ABCD2: variants seen among roughly 807,000 people sequenced by gnomAD.
ABCD2 encodes the protein ATP binding cassette subfamily D member 2.
In ABCD2, 36 loss-of-function variants were observed where a neutral mutation model predicts 70.9. The ratio of observed to expected loss-of-function variants is 0.51; its 90% CI spans 0.39 to 0.67. The LOEUF (loss-of-function observed/expected upper bound fraction) is 0.67. Among genes scored for constraint, ABCD2 ranks in the 30% least tolerant of loss-of-function variants. The pLI is 0.00. For synonymous variants in ABCD2, 304 were observed against 306.9 expected (o/e 0.99, Z 0.10); for missense variants, 729 against 890.2 (o/e 0.82, Z 2.30).
At chr12:39,558,421 G>A (rs1022665543) in intron 9 of ABCD2, among the ~76,000 whole-genome samples, 4 of 152,136 alleles carry the variant, frequency 2.6e-5, no homozygotes, top group Non-Finnish European at 5.9e-5. Flanking sequence ...TTTGGGAGGG[G>A]CCAGGGCGAA....
intron 9 of ABCD2, among the ~76,000 whole-genome samples, chr12:39,554,872 C>G (rs549323341): frequency 1.3e-5 from 2 of 152,214 alleles, no homozygotes; most frequent in Non-Finnish European, 2.9e-5. Context: ...GGCTGAACCA[C>G]CTGCATTTTT....
At chr12:39,606,423 GC>G (rs1440278172) in intron 3 of ABCD2, among the ~76,000 whole-genome samples, 2 of 152,098 alleles carry the variant, frequency 1.3e-5, no homozygotes, top group Non-Finnish European at 2.9e-5. Flanking sequence ...CAAAAATAAA[GC>G]AAAATGCAAT....
At chr12:39,570,959 A>T (rs1941439072) in intron 9 of ABCD2, among the ~76,000 whole-genome samples, 1 of 152,214 alleles carries the variant, frequency 6.6e-6, no homozygotes, top group South Asian at 2.1e-4. Flanking sequence ...TTCTCAAAAG[A>T]AGATACACAC....
intron 9 of ABCD2, among the ~76,000 whole-genome samples, chr12:39,572,795 A>G (rs1941465530): frequency 6.6e-6 from 1 of 152,182 alleles, no homozygotes; most frequent in Non-Finnish European, 1.5e-5. Flanking sequence ...AGAAAGAGAG[A>G]GAGGAGGAAT....
At chr12:39,578,669 G>T (rs139365998) in intron 8 of ABCD2, among the ~76,000 whole-genome samples, 265 of 151,066 alleles carry the variant, frequency 1.8e-3, no homozygotes, top group African/African-American at 5.7e-3. Flanking sequence ...TATGAAGCTG[G>T]TTACAATTAA....
At chr12:39,616,919 A>G (rs950547110) in intron 2 of ABCD2, 69 bp downstream of exon 2, 3 of 1,400,894 alleles carry the variant, frequency 2.1e-6, no homozygotes, top group African/African-American at 2.9e-5. Flanking sequence ...CTCACATAAA[A>G]CTAGCAATGA....
downstream of ABCD2, among the ~76,000 whole-genome samples, chr12:39,547,350 C>T (rs1002400648): frequency 6.6e-6 from 1 of 152,066 alleles, no homozygotes; most frequent in Non-Finnish European, 1.5e-5. Flanking sequence ...GAACTGAAAA[C>T]ATGGTCTCAA....
At chr12:39,616,942 AAAT>A (rs767479784) in intron 2 of ABCD2, 43 bp downstream of exon 2, 1 of 1,510,936 alleles carries the variant, frequency 6.6e-7, no homozygotes, top group African/African-American at 1.4e-5. Flanking sequence ...ACTTCAAAAG[AAAT>A]AATGTTAAAA....
the ABCD2 span, among the ~76,000 whole-genome samples, chr12:39,535,617 AT>A: frequency 2.6e-5 from 4 of 151,986 alleles, no homozygotes; most frequent in South Asian, 2.1e-4. Context: ...TCTTAGATAA[AT>A]TTTTTTTGCT....
Position 39,619,176 on chromosome 12 carries a change from A to G in ABCD2, c.440T>C (p.Leu147Ser). 1 of 1,614,230 alleles carries G rather than the reference A, an allele frequency of 6.2e-7. No homozygotes were observed. The highest frequency in any genetic ancestry group is 1.1e-5 in the South Asian group (1 of 91,082). ...GATGGCAATCATAAGCCACTTGATTAATTTGATGATGAAAGTCCGAGGCTT... is the reference window on the plus strand; with the variant it reads ...GATGGCAATCATAAGCCACTTGATTGATTTGATGATGAAAGTCCGAGGCTT... ...EKKPRTFIIK[L>S]IKWLMIAIPA... Residue 147 changes from leucine (L) to serine (S), a missense_variant, in exon 1 of 10, where the codon TTA becomes TCA. Leu to Ser is a moderately radical substitution (Grantham distance 145). Around this residue, in one of 3 missense-constraint regions of ABCD2, gnomAD observed 245 missense variants for 261.2 expected, o/e 0.94. Coordinates refer to ENST00000308666, the MANE Select transcript of ABCD2 (RefSeq NM_005164.4).
chr12:39,548,457 T>G (rs1010173650), downstream of ABCD2, among the ~76,000 whole-genome samples: 29 of 151,938 alleles, frequency 1.9e-4, no homozygotes, highest in African/African-American at 6.8e-4. Flanking sequence ...ATATAAACAA[T>G]GAGCTAGCCT....
intron 3 of ABCD2, among the ~76,000 whole-genome samples, chr12:39,607,123 G>A (rs1396615784): frequency 6.6e-6 from 1 of 152,132 alleles, no homozygotes; most frequent in East Asian, 1.9e-4. Flanking sequence ...TATAAGAAAT[G>A]TTATTAGCTA....
chr12:39,535,837 A>C, the ABCD2 span, among the ~76,000 whole-genome samples: 5 of 152,234 alleles, frequency 3.3e-5, no homozygotes, highest in Admixed American at 3.3e-4. Flanking sequence ...GTATAAATTA[A>C]AAATTTAAAC....
chr12:39,583,055 T>C (rs1469260854), intron 7 of ABCD2, among the ~76,000 whole-genome samples: 2 of 152,092 alleles, frequency 1.3e-5, no homozygotes, highest in Non-Finnish European at 2.9e-5. Context: ...GGAAGTGGTT[T>C]CACCATGTTG....
intron 7 of ABCD2, among the ~76,000 whole-genome samples, chr12:39,581,190 T>A (rs1434543720): frequency 6.6e-6 from 1 of 152,106 alleles, no homozygotes; most frequent in South Asian, 2.1e-4. Context: ...GCAACAGGAA[T>A]TGGAAGAATT....
chr12:39,568,076 A>G (rs1263852659), intron 9 of ABCD2, among the ~76,000 whole-genome samples: 1 of 151,528 alleles, frequency 6.6e-6, no homozygotes, highest in East Asian at 1.9e-4. Flanking sequence ...CTTCATTTCA[A>G]CTTTGGTGAA....
intron 8 of ABCD2, among the ~76,000 whole-genome samples, chr12:39,576,416 C>G (rs772072524): frequency 6.6e-6 from 1 of 152,122 alleles, no homozygotes; most frequent in Non-Finnish European, 1.5e-5. Context: ...GCCTCGCCCT[C>G]CCGAAGTGCT....
In ABCD2 at chr12:39,618,725, C is replaced by G. The variant is rs142407351; in HGVS notation, c.891G>C (p.Ser297=). 29 of 1,614,184 alleles carry G rather than the reference C, an allele frequency of 1.8e-5. No homozygotes were observed. The East Asian group carries it at 6.5e-4, about 36-fold the overall frequency. Residue 297 remains serine (S), a synonymous_variant, in exon 1 of 10, where the codon TCG becomes TCC. Transcript: ENST00000308666. ...HRKGYLRYVH[S]RIIANVEEIA... ...TTTCTTCTACATTGGCTATAATTCT[C>G]GAGTGCACATACCGCAAATAGCCTT...
intron 9 of ABCD2, among the ~76,000 whole-genome samples, chr12:39,559,378 CAAAAAAA>C (rs199560381): frequency 9.6e-4 from 58 of 60,404 alleles, no homozygotes; most frequent in Non-Finnish European, 2.0e-3. Flanking sequence ...ACTCCAGCTC[CAAAAAAA>C]AAAAAAAAAA....
Sources: allele counts gnomAD v4.1 joint callset (sites outside exome capture counted in the v4.1 genomes callset), GRCh38; gene constraint gnomAD v4.1.1; regional missense constraint gnomAD v4.1.1; transcripts MANE v1.5; gene names NCBI Gene and HGNC (gene_info 2026-07-23, HGNC 2026-07-21).